DNAH12: variants seen among roughly 807,000 people sequenced by gnomAD.
DNAH12 encodes the protein dynein axonemal heavy chain 12.
In DNAH12, 285 loss-of-function variants were observed where a neutral mutation model predicts 371.5. The observed-to-expected ratio is 0.77, with a 90% CI of 0.70 to 0.85. The LOEUF (loss-of-function observed/expected upper bound fraction) is 0.85, where lower values mean the gene tolerates loss of function less well. Ranked by LOEUF, DNAH12 falls within the 40% of genes least tolerant of loss-of-function variation. DNAH12 has a pLI of 0.00. For missense variants in DNAH12, 3,611 were observed against 3,689.4 expected, an observed-to-expected ratio of 0.98 and a Z score of 0.55; for synonymous variants, 1,200 against 1,213.0, an observed-to-expected ratio of 0.99 and a Z score of 0.22.
intron 58 of DNAH12, among the ~76,000 whole-genome samples, chr3:57,361,645 G>C (rs1475201457): frequency 6.6e-6 from 1 of 151,238 alleles, no homozygotes; most frequent in Non-Finnish European, 1.5e-5. Context: ...ATCCCTAATT[G>C]TTCAATCAAC....
intron 17 of DNAH12, among the ~76,000 whole-genome samples, chr3:57,463,711 T>C (rs1345223952): frequency 2.6e-5 from 4 of 152,084 alleles, no homozygotes; most frequent in South Asian, 2.1e-4. Flanking sequence ...TAACAGGCAC[T>C]CAGTAAGTAT....
chr3:57,491,096 A>AAAAAAAAAAAAAAAAAAAT (rs2067108035), intron 11 of DNAH12, among the ~76,000 whole-genome samples: 1 of 146,630 alleles, frequency 6.8e-6, no homozygotes, highest in Non-Finnish European at 1.5e-5. Flanking sequence ...AAAAAAAAAA[A>AAAAAAAAAAAAAAAAAAAT]AAAAACAACA....
intron 58 of DNAH12, among the ~76,000 whole-genome samples, chr3:57,357,893 G>A: frequency 6.6e-6 from 1 of 152,186 alleles, no homozygotes; most frequent in Non-Finnish European, 1.5e-5. Flanking sequence ...ATACAAGAAT[G>A]CTTTTTCAAC....
At chr3:57,309,879 C>A (rs777880115) in intron 67 of DNAH12, 25 bp from the exon 68 acceptor site, 49 of 1,536,600 alleles carry the variant, frequency 3.2e-5, no homozygotes, top group Non-Finnish European at 4.2e-5. Flanking sequence ...ATTAAGCATG[C>A]ATCATATTTT....
At chr3:57,518,873 A>G (rs1376194168) in intron 4 of DNAH12, among the ~76,000 whole-genome samples, 1 of 152,242 alleles carries the variant, frequency 6.6e-6, no homozygotes, top group South Asian at 2.1e-4. Flanking sequence ...TCATCAATAT[A>G]TGAAAGGTAG....
At position 57,445,190 on chromosome 3, in the gene DNAH12, T is replaced by G; in HGVS notation, c.4409A>C (p.Glu1470Ala). The G allele has an allele frequency of 6.5e-7, 1 of 1,542,756 alleles. No homozygotes were observed. The highest frequency in any genetic ancestry group is 8.8e-7 in the Non-Finnish European group (1 of 1,142,084). The change falls in exon 28 of 74, where the codon GAA becomes GCA. Residue 1470 changes from glutamate (E) to alanine (A), a missense_variant. Physicochemically the swap from Glu to Ala is moderately radical, Grantham distance 107 (BLOSUM62 -1). Around this residue, in one of 3 missense-constraint regions of DNAH12, gnomAD observed 2,266 missense variants for 2,236.9 expected, o/e 1.01. Transcript: ENST00000495027. ...AGNLKLKYPN[E>A]NEDILLLRSI... ...AATACTTACAAGTATATCTTCATTT[T>G]CATTTGGGTATTTTAGTTTTAGATT...
chr3:57,307,707 T>C (rs1030004444), intron 69 of DNAH12, among the ~76,000 whole-genome samples: 6 of 152,202 alleles, frequency 3.9e-5, no homozygotes, highest in African/African-American at 1.4e-4. Context: ...CAATTACCAT[T>C]GTTCCTGGCA....
At chr3:57,400,666 ATATCTTATTGTACTGTGCT>A (rs1317746999) in intron 43 of DNAH12, among the ~76,000 whole-genome samples, 1 of 152,244 alleles carries the variant, frequency 6.6e-6, no homozygotes, top group Non-Finnish European at 1.5e-5. Context: ...CACTCTCAAA[ATATCTTATTGTACTGTGCT>A]TATCTCTTTT....
At chr3:57,517,947 G>A (rs9863653) in intron 4 of DNAH12, among the ~76,000 whole-genome samples, 62,880 of 151,902 alleles carry the variant, frequency 0.41, 14,542 homozygotes, top group South Asian at 0.57. Flanking sequence ...CCAGCTCCTC[G>A]GGAGGCTGAG....
chr3:57,337,246 C>A (rs1430533742), intron 60 of DNAH12, among the ~76,000 whole-genome samples: 2 of 152,206 alleles, frequency 1.3e-5, no homozygotes, highest in Non-Finnish European at 2.9e-5. Flanking sequence ...GTGGCTCACG[C>A]CTGTAATCCC....
At chr3:57,378,072 T>A (rs942262390) in intron 52 of DNAH12, among the ~76,000 whole-genome samples, 24 of 152,154 alleles carry the variant, frequency 1.6e-4, no homozygotes, top group Non-Finnish European at 1.2e-4. Flanking sequence ...GTTAAATAAG[T>A]AGACAGAAAG....
chr3:57,503,479 C>G (rs963343299), intron 9 of DNAH12, among the ~76,000 whole-genome samples: 1 of 151,442 alleles, frequency 6.6e-6, no homozygotes, highest in Non-Finnish European at 1.5e-5. Context: ...ACCTCCGACT[C>G]CCTGGTTCAA....
Position 57,301,815 on chromosome 3 carries a change from A to G in DNAH12, c.11314T>C (p.Trp3772Arg), listed in dbSNP as rs1037668531. ...AGGCTTGGGTATGAACGTTTGGCCCATATTTCTGGAACCTTTCCAACAAGT... is the reference window on the plus strand; with the variant it reads ...AGGCTTGGGTATGAACGTTTGGCCCGTATTTCTGGAACCTTTCCAACAAGT... The part of the protein sequence containing the change: ...SLLVGKVPEI[W>R]AKRSYPSLKP... The change falls in exon 70 of 74, where the codon TGG becomes CGG. Residue 3772 changes from tryptophan to arginine, a missense_variant. This residue lies in a region of DNAH12 where 2,266 missense variants were observed against 2,236.9 expected (regional missense o/e 1.01). Coordinates refer to ENST00000495027, the MANE Select transcript of DNAH12 (RefSeq NM_001366028.2). 5 of 1,551,550 alleles carry G rather than the reference A, an allele frequency of 3.2e-6. No individual in the cohort carries two copies. Among genetic ancestry groups the G allele is most frequent in the South Asian group, 2.4e-5 (2 of 84,058 alleles).
intron 59 of DNAH12, among the ~76,000 whole-genome samples, chr3:57,353,439 C>T (rs1287856169): frequency 6.6e-6 from 1 of 152,158 alleles, no homozygotes; most frequent in Non-Finnish European, 1.5e-5. Flanking sequence ...ACTACAGGTG[C>T]ATGGCACCAT....
At chr3:57,351,923 C>A (rs545864780) in intron 60 of DNAH12, among the ~76,000 whole-genome samples, 162 bp downstream of exon 60, 1 of 152,256 alleles carries the variant, frequency 6.6e-6, no homozygotes, top group East Asian at 1.9e-4. Flanking sequence ...TAAATAAACA[C>A]CGATACTATC....
chr3:57,449,226 A>G (rs952466146), intron 25 of DNAH12, among the ~76,000 whole-genome samples: 2 of 152,208 alleles, frequency 1.3e-5, no homozygotes, highest in African/African-American at 4.8e-5. Context: ...ACAATCCCTG[A>G]GCTAGACATA....
chr3:57,424,323 T>C (rs1363960288), intron 35 of DNAH12, among the ~76,000 whole-genome samples: 1 of 144,434 alleles, frequency 6.9e-6, no homozygotes, highest in African/African-American at 2.6e-5. Context: ...TAAAAAAAAT[T>C]AGCTCAGTGT....
chr3:57,495,948 CTATTTATA>C (rs1273933974), intron 11 of DNAH12, among the ~76,000 whole-genome samples: 1 of 137,546 alleles, frequency 7.3e-6, no homozygotes, highest in Non-Finnish European at 1.5e-5. Flanking sequence ...ACTATTTTAT[CTATTTATA>C]TATTTATATA....
intron 25 of DNAH12, among the ~76,000 whole-genome samples, chr3:57,447,352 T>C (rs1258093045): frequency 6.6e-6 from 1 of 152,230 alleles, no homozygotes; most frequent in Non-Finnish European, 1.5e-5. Context: ...ATGACTGGAA[T>C]AGTGGCTGGA....
Sources: gnomAD v4.1 joint callset for allele counts (sites outside exome capture counted in the v4.1 genomes callset) on GRCh38, gnomAD v4.1.1 for gene constraint, gnomAD v4.1.1 regional missense constraint, MANE v1.5 for transcripts, NCBI Gene and HGNC (gene_info 2026-07-23, HGNC 2026-07-21) for gene names.